RMDN2: variants seen among roughly 807,000 people sequenced by gnomAD.
The protein encoded by RMDN2 is regulator of microtubule dynamics 2.
Under a neutral mutation model 52.8 loss-of-function variants are expected in RMDN2, and 61 were observed. The ratio of observed to expected loss-of-function variants is 1.16; its 90% CI spans 0.94 to 1.43. RMDN2 has a LOEUF of 1.43. Ranked by LOEUF, RMDN2 falls within the 40% of genes most tolerant of loss-of-function variation. The probability of loss-of-function intolerance (pLI) is 0.00; values close to 1 mark genes in which losing one functional copy is unlikely to be tolerated. For synonymous variants in RMDN2, 180 were observed against 153.1 expected (o/e 1.18, Z -1.30); for missense variants, 592 against 475.3 (o/e 1.25, Z -2.28).
chr2:37,931,761 T>G (rs1666763882), intron 2 of RMDN2, among the ~76,000 whole-genome samples: 1 of 152,216 alleles, frequency 6.6e-6, no homozygotes, highest in South Asian at 2.1e-4. Flanking sequence ...TTTGTGAAAT[T>G]TATGAATGAC....
chr2:37,977,899 C>A (rs1672749101), intron 4 of RMDN2, among the ~76,000 whole-genome samples: 1 of 151,888 alleles, frequency 6.6e-6, no homozygotes, highest in Non-Finnish European at 1.5e-5. Flanking sequence ...CAGAGACGCT[C>A]CTCACTTCCT....
chr2:38,018,974 C>T (rs79933939), downstream of RMDN2, among the ~76,000 whole-genome samples: 1,396 of 152,292 alleles, frequency 9.2e-3, 15 homozygotes, highest in African/African-American at 0.029. Context: ...AACCCCCTAG[C>T]CCCATCTTCT....
intron 2 of RMDN2, among the ~76,000 whole-genome samples, chr2:37,944,219 T>G (rs541270703): frequency 6.6e-6 from 1 of 152,256 alleles, no homozygotes; most frequent in South Asian, 2.1e-4. Context: ...GTCTCATAAC[T>G]GGAGTTTGCT....
intron 10 of RMDN2, among the ~76,000 whole-genome samples, chr2:38,043,247 C>A (rs1421534713): frequency 6.6e-6 from 1 of 151,998 alleles, no homozygotes; most frequent in East Asian, 1.9e-4. Flanking sequence ...ATGTAGTGAC[C>A]ATCTCTGTGT....
chr2:37,935,279 C>G (rs556398951), intron 2 of RMDN2, among the ~76,000 whole-genome samples: 4 of 152,182 alleles, frequency 2.6e-5, no homozygotes, highest in Non-Finnish European at 5.9e-5. Context: ...CAGACAGATA[C>G]AGATTTTTGA....
At chr2:37,949,534 A>G (rs968731296) in intron 2 of RMDN2, among the ~76,000 whole-genome samples, 16 of 152,080 alleles carry the variant, frequency 1.1e-4, no homozygotes, top group African/African-American at 3.9e-4. Flanking sequence ...CACGAATCTC[A>G]TGTCTTCTGC....
chr2:38,048,978 T>C (rs76235874), intron 10 of RMDN2, among the ~76,000 whole-genome samples: 3,719 of 152,332 alleles, frequency 0.024, 143 homozygotes, highest in African/African-American at 0.081. Flanking sequence ...ACATGGTATT[T>C]GGTGATAGGG....
chr2:38,041,090 G>A (rs1228894850), intron 10 of RMDN2, among the ~76,000 whole-genome samples: 2 of 152,134 alleles, frequency 1.3e-5, no homozygotes, highest in Non-Finnish European at 2.9e-5. Context: ...TTTATTAGTT[G>A]AAGGAGGTTT....
At chr2:37,979,655 A>G (rs929065294) in intron 4 of RMDN2, among the ~76,000 whole-genome samples, 2 of 152,208 alleles carry the variant, frequency 1.3e-5, no homozygotes, top group Non-Finnish European at 2.9e-5. Context: ...ATATGAATGC[A>G]TCATAAAGAT....
intron 2 of RMDN2, among the ~76,000 whole-genome samples, chr2:37,945,671 C>G (rs1668161835): frequency 6.6e-6 from 1 of 152,150 alleles, no homozygotes; most frequent in African/African-American, 2.4e-5. Context: ...GAAGTCATCT[C>G]CATCAATAAT....
intron 4 of RMDN2, among the ~76,000 whole-genome samples, chr2:37,976,929 A>T (rs1672546078): frequency 6.6e-6 from 1 of 151,416 alleles, no homozygotes; most frequent in South Asian, 2.1e-4. Context: ...ACAATAGTGG[A>T]GGGAAGGTCA....
chr2:38,012,721 C>T (rs1293113888), intron 10 of RMDN2: 1 of 372,426 alleles, frequency 2.7e-6, no homozygotes, highest in Non-Finnish European at 5.4e-6. Context: ...TAATACCCCT[C>T]CATCTCTATA....
At chr2:37,963,489 G>C (rs1670567235) in intron 2 of RMDN2, among the ~76,000 whole-genome samples, 1 of 151,946 alleles carries the variant, frequency 6.6e-6, no homozygotes, top group Non-Finnish European at 1.5e-5. Context: ...TGTGTCCCTG[G>C]GTACTTGAGA....
chr2:38,033,994 T>C (rs776919198), intron 10 of RMDN2, among the ~76,000 whole-genome samples: 29 of 152,258 alleles, frequency 1.9e-4, no homozygotes, highest in Non-Finnish European at 3.8e-4. Context: ...TAAAAGAATC[T>C]GTTGACGTTT....
chr2:37,997,453 C>A lies in RMDN2; in HGVS notation c.983C>A (p.Ala328Asp). The A allele has an allele frequency of 6.2e-7, 1 of 1,613,804 alleles. No homozygotes were observed. The change falls in exon 8 of 11, where the codon GCT (alanine) becomes GAT (aspartate). Residue 328 changes from alanine (A) to aspartate (D), a missense_variant. Ala to Asp is a moderately radical substitution (Grantham distance 126). Coordinates refer to ENST00000354545, the MANE Select transcript of RMDN2 (RefSeq NM_001170791.3). ...KLSWIEKKMA[A>D]TLFGKIPSST... ...AGCTGGATTGAGAAAAAAATGGCTG[C>A]TACTCTGTTTGGAAAAATACCATCT...
intron 5 of RMDN2, among the ~76,000 whole-genome samples, chr2:37,986,910 A>T (rs541005852): frequency 6.6e-6 from 1 of 152,202 alleles, no homozygotes; most frequent in Non-Finnish European, 1.5e-5. Context: ...AGAAACTAAG[A>T]TCAGGAGCAA....
At chr2:38,012,416 A>G (rs1225474991) in intron 10 of RMDN2, among the ~76,000 whole-genome samples, 9 of 152,228 alleles carry the variant, frequency 5.9e-5, no homozygotes, top group Non-Finnish European at 8.8e-5. Flanking sequence ...CTAGCATATA[A>G]TAAGCACTCA....
upstream of RMDN2, among the ~76,000 whole-genome samples, chr2:37,924,716 AG>A (rs1666138499): frequency 3.9e-5 from 6 of 152,256 alleles, no homozygotes; most frequent in Admixed American, 3.3e-4. Context: ...TACAAACCAC[AG>A]AAAGCTGGGT....
intron 5 of RMDN2, among the ~76,000 whole-genome samples, chr2:37,982,693 T>C (rs1673482633): frequency 6.6e-6 from 1 of 152,186 alleles, no homozygotes; most frequent in Non-Finnish European, 1.5e-5. Context: ...TCGGTGCCTC[T>C]GCCAAAATTC....
Sources: gnomAD v4.1 joint callset for allele counts (sites outside exome capture counted in the v4.1 genomes callset) on GRCh38, gnomAD v4.1.1 for gene constraint, MANE v1.5 for transcripts, NCBI Gene and HGNC (gene_info 2026-07-23, HGNC 2026-07-21) for gene names.